Variants in ROBO2 observed in about 807,000 individuals in gnomAD.
ROBO2 encodes roundabout guidance receptor 2.
ROBO2 carries 53 observed loss-of-function variants against 160.8 expected under a neutral mutation model. The observed-to-expected ratio is 0.33, with a 90% CI of 0.26 to 0.41. The LOEUF is 0.41. Among genes scored for constraint, ROBO2 ranks in the 10% least tolerant of loss-of-function variants. The pLI is 1.00. For missense variants in ROBO2, 1,577 were observed against 1,722.4 expected (o/e 0.92, Z 1.49); for synonymous variants, 664 against 611.7 (o/e 1.09, Z -1.26).
chr3:76,274,192 T>G (rs1037987124), intron 2 of ROBO2, among the ~76,000 whole-genome samples: 4 of 152,212 alleles, frequency 2.6e-5, no homozygotes, highest in African/African-American at 9.6e-5. Context: ...TAACTATTAA[T>G]TTTATTCATG....
rs559172453 is a variant in ROBO2, at chr3:77,134,621, G to A, written c.388+36281G>A. Reference sequence around the variant, plus strand: ...GCTCTGCCGTGAGGATATCGTGAATGTTCACATCTTTACCTGTCAACACTT... The same window carrying A: ...GCTCTGCCGTGAGGATATCGTGAATATTCACATCTTTACCTGTCAACACTT... On this transcript the variant is annotated intron_variant, in intron 2 of 25. Coordinates refer to ENST00000461745, the Ensembl canonical transcript of ROBO2. Among the ~76,000 whole-genome samples, 3 of 152,284 alleles carry A rather than the reference G, an allele frequency of 2.0e-5. No individual in the cohort carries two copies. The South Asian group carries it at 6.2e-4, about 32-fold the overall frequency.
intron 2 of ROBO2, among the ~76,000 whole-genome samples, chr3:76,412,677 G>T (rs1350785217): frequency 6.6e-6 from 1 of 152,210 alleles, no homozygotes; most frequent in African/African-American, 2.4e-5. Context: ...AGGTCATGCT[G>T]ATGGAAGCGG....
intron 2 of ROBO2, among the ~76,000 whole-genome samples, chr3:76,933,807 T>A (rs2077506207): frequency 1.3e-5 from 2 of 152,356 alleles, no homozygotes; most frequent in South Asian, 4.1e-4. Flanking sequence ...TAACATGAAC[T>A]GTTACAATTA....
intron 2 of ROBO2, among the ~76,000 whole-genome samples, chr3:76,084,715 G>A (rs62268886): frequency 0.098 from 14,863 of 151,856 alleles, 979 homozygotes; most frequent in Non-Finnish European, 0.14. Context: ...TTAAATTATG[G>A]TGTTTACATT....
intron 2 of ROBO2, among the ~76,000 whole-genome samples, chr3:77,116,745 C>G (rs899010096): frequency 1.3e-5 from 2 of 152,128 alleles, no homozygotes; most frequent in Admixed American, 6.5e-5. Context: ...TTGTCTTTTT[C>G]TGTGCTATGC....
intron 2 of ROBO2, among the ~76,000 whole-genome samples, chr3:77,166,991 C>G (rs773931203): frequency 2.2e-4 from 34 of 152,168 alleles, no homozygotes; most frequent in Non-Finnish European, 3.2e-4. Flanking sequence ...CTTTCTTGCA[C>G]TTACATGGTT....
At chr3:76,764,535 A>G (rs1400816353) in intron 2 of ROBO2, among the ~76,000 whole-genome samples, 1 of 151,792 alleles carries the variant, frequency 6.6e-6, no homozygotes, top group Non-Finnish European at 1.5e-5. Context: ...TGATTAAAAC[A>G]TCATTCAATT....
At position 77,299,498 on chromosome 3, in the gene ROBO2, C is replaced by A. The variant is rs186323685; in HGVS notation, c.389-177916C>A. 4.9e-3 allele frequency among the ~76,000 whole-genome samples: 752 copies of A among 152,174 alleles called. 5 individuals carry two copies. Among genetic ancestry groups the A allele is most frequent in the African/African-American group, 0.017 (721 of 41,524 alleles). ...ATCGTGATGGAAGGAGAAGCAAACA[C>A]GTCCTTCTTCACGTGGCAGCAGGAA... is the stretch of plus-strand genomic sequence containing the variant. On this transcript the variant is annotated intron_variant, in intron 2 of 25. Coordinates refer to ENST00000461745, the Ensembl canonical transcript of ROBO2.
chr3:76,803,590 A>G (rs1392822665), intron 2 of ROBO2, among the ~76,000 whole-genome samples: 2 of 152,118 alleles, frequency 1.3e-5, no homozygotes, highest in African/African-American at 2.4e-5. Flanking sequence ...ACGTACACAC[A>G]TACAAACTTA....
intron 2 of ROBO2, among the ~76,000 whole-genome samples, chr3:77,295,554 G>A (rs1291669386): frequency 2.2e-5 from 3 of 137,012 alleles, no homozygotes; most frequent in Non-Finnish European, 4.8e-5. Flanking sequence ...GATCACCAAA[G>A]TCATAAAGTA....
intron 2 of ROBO2, among the ~76,000 whole-genome samples, chr3:76,353,566 A>C (rs2074998092): frequency 6.6e-6 from 1 of 151,876 alleles, no homozygotes; most frequent in Admixed American, 6.6e-5. Context: ...GGTTCACCTA[A>C]GTTAAAATTT....
rs530326630 is a variant in ROBO2, at chr3:76,036,429, C to T, written c.109+98827C>T. On this transcript the variant is annotated intron_variant, in intron 2 of 26. Coordinates refer to the ROBO2 transcript ENST00000487694. The stretch of plus-strand genomic sequence containing the variant: ...CCTCCCAAAGTGCTGGGATTACAGG[C>T]GTGAGCCAATGCGCCAGGCTGGTTC... Among the ~76,000 whole-genome samples, 17 of 151,788 alleles carry T rather than the reference C, an allele frequency of 1.1e-4. 1 individual carries two copies. Among genetic ancestry groups the T allele is most frequent in the African/African-American group, 3.6e-4 (15 of 41,256 alleles).
At chr3:76,471,798 C>G (rs2078668300) in intron 2 of ROBO2, among the ~76,000 whole-genome samples, 1 of 152,032 alleles carries the variant, frequency 6.6e-6, no homozygotes, top group African/African-American at 2.4e-5. Flanking sequence ...AACTTACAAT[C>G]ATGGCAGAAG....
intron 1 of ROBO2, among the ~76,000 whole-genome samples, chr3:77,077,378 G>A (rs1187495068): frequency 6.6e-6 from 1 of 152,186 alleles, no homozygotes; most frequent in African/African-American, 2.4e-5. Context: ...CCAGGGTACT[G>A]TGCTGGACGT....
At chr3:76,555,359 A>AGGAAGAGGAG (rs1560140583) in intron 2 of ROBO2, among the ~76,000 whole-genome samples, 2 of 12,014 alleles carry the variant, frequency 1.7e-4, no homozygotes, top group African/African-American at 5.0e-4. Flanking sequence ...GTAGGAAGAG[A>AGGAAGAGGAG]GAAGAAGAAG....
At chr3:77,644,635 C>A in intron 24 of ROBO2, 69 bp from the exon 27 acceptor site, 1 of 1,361,362 alleles carries the variant, frequency 7.3e-7, no homozygotes, top group Non-Finnish European at 1.0e-6. Context: ...GTGTTATATT[C>A]AAGAGTTAAG....
rs1227893724 is a variant in ROBO2 at position 77,557,928 on chromosome 3, G to A, written c.1232-16G>A. 6.2e-7 allele frequency: 1 copy of A among 1,607,680 alleles called. No individual in the cohort carries two copies. Among genetic ancestry groups the A allele is most frequent in the Non-Finnish European group, 8.5e-7 (1 of 1,174,868 alleles). The stretch of plus-strand genomic sequence containing the variant: ...ACATTGATGTTAAAATACCTGAAAA[G>A]AGCTTTATTCTTCAGTTTTGACAGA... On this transcript the variant is annotated splice_polypyrimidine_tract_variant and intron_variant, in intron 8 of 25. Coordinates refer to ENST00000461745, the Ensembl canonical transcript of ROBO2.
intron 2 of ROBO2, among the ~76,000 whole-genome samples, chr3:76,900,816 C>G (rs1384673231): frequency 6.6e-6 from 1 of 152,160 alleles, no homozygotes; most frequent in Non-Finnish European, 1.5e-5. Flanking sequence ...AAGCTGAGTG[C>G]CACAGCAAGG....
intron 2 of ROBO2, among the ~76,000 whole-genome samples, chr3:76,216,380 T>C (rs1559650058): frequency 6.6e-6 from 1 of 151,414 alleles, no homozygotes; most frequent in Non-Finnish European, 1.5e-5. Flanking sequence ...GGATAAAGAG[T>C]CAAGACCCAT....
Sources: allele counts gnomAD v4.1 joint callset (sites outside exome capture counted in the v4.1 genomes callset), GRCh38; gene constraint gnomAD v4.1.1; transcripts MANE v1.5; gene names NCBI Gene and HGNC (gene_info 2026-07-23, HGNC 2026-07-21).